SYCP3: variants seen among roughly 807,000 people sequenced by gnomAD.
SYCP3 encodes synaptonemal complex protein 3.
SYCP3 carries 29 observed loss-of-function variants against 38.5 expected under a neutral mutation model. The observed-to-expected ratio is 0.75, with a 90% CI of 0.56 to 1.03. The LOEUF (loss-of-function observed/expected upper bound fraction) is 1.03, where lower values mean the gene tolerates loss of function less well. SYCP3 is among the 50% of genes least tolerant of loss of function. The pLI, the probability that SYCP3 is intolerant of heterozygous loss-of-function variation, is 0.00. For synonymous variants in SYCP3, 79 were observed against 80.3 expected (o/e 0.98, Z 0.08); for missense variants, 242 against 270.7 (o/e 0.89, Z 0.74).
chr12:101,735,866 TA>T (rs1288260043), intron 4 of SYCP3, among the ~76,000 whole-genome samples: 6 of 102,256 alleles, frequency 5.9e-5, no homozygotes, highest in Admixed American at 1.9e-4. Flanking sequence ...TATATATATA[TA>T]TATATTTTTT....
intron 4 of SYCP3, 34 bp from the exon 5 acceptor site, chr12:101,735,078 T>C: frequency 6.9e-7 from 1 of 1,457,324 alleles, no homozygotes; most frequent in South Asian, 1.2e-5. Context: ...TAAAATTTAA[T>C]GTTGAAAAAA....
intron 2 of SYCP3, 112 bp from the exon 3 acceptor site, chr12:101,737,410 T>C: frequency 3.9e-6 from 4 of 1,031,456 alleles, no homozygotes; most frequent in Non-Finnish European, 5.8e-6. Flanking sequence ...TTTGCCAACA[T>C]ACAGTTTCAA....
At chr12:101,734,705 G>A (rs1339312106) in intron 5 of SYCP3, among the ~76,000 whole-genome samples, 1 of 151,992 alleles carries the variant, frequency 6.6e-6, no homozygotes, top group East Asian at 1.9e-4. Flanking sequence ...AAGCGAGCAC[G>A]CCTGGTTAAT....
At chr12:101,730,944 T>G (rs1399515289) in intron 7 of SYCP3, among the ~76,000 whole-genome samples, 1 of 152,218 alleles carries the variant, frequency 6.6e-6, no homozygotes, top group Non-Finnish European at 1.5e-5. Context: ...CCATTGAGCT[T>G]CTATGAATAG....
intron 6 of SYCP3, chr12:101,732,668 C>CTTTTTTTT (rs549684402): frequency 7.3e-6 from 1 of 136,282 alleles, no homozygotes; most frequent in African/African-American, 2.7e-5. Flanking sequence ...TTTCTTTTTT[C>CTTTTTTTT]TTTTTTTTTT....
rs760076291 is a variant in SYCP3, at chr12:101,728,979, T to G, written c.659A>C (p.Gln220Pro). The change falls in exon 9 of 9, where the codon CAG becomes CCG. Residue 220 changes from glutamine (Q) to proline (P), a missense_variant and splice_region_variant. Physicochemically the swap from Gln to Pro is moderately conservative, Grantham distance 76. Coordinates refer to ENST00000392924, the MANE Select transcript of SYCP3 (RefSeq NM_001177949.2). Reference sequence around the variant, plus strand: ...CCGAACACTTGCTATCTCTTGCTGCTGCTGTTTCATGGAAGGAGATATTAA... The same window carrying G: ...CCGAACACTTGCTATCTCTTGCTGCGGCTGTTTCATGGAAGGAGATATTAA... ...MLQKKIMMET[Q>P]QQEIASVRKS... 3.1e-6 allele frequency: 5 copies of G among 1,613,592 alleles called. No homozygotes were observed. The highest frequency in any genetic ancestry group is 4.2e-6 in the Non-Finnish European group (5 of 1,179,714).
At chr12:101,738,946 G>A (rs1318464847) in intron 1 of SYCP3, among the ~76,000 whole-genome samples, 1 of 152,206 alleles carries the variant, frequency 6.6e-6, no homozygotes, top group Non-Finnish European at 1.5e-5. Flanking sequence ...CCAGAAATAA[G>A]CTCATAATAA....
rs10860780 is a variant in SYCP3 at position 101,733,936 on chromosome 12, T to G, written c.354-262A>C. On this transcript the variant is annotated intron_variant, in intron 5 of 8. Coordinates refer to ENST00000392924, the MANE Select transcript of SYCP3 (RefSeq NM_001177949.2). ...GAAGTTTTATTGTATATATAAATTT[T>G]CAAAAAGAAATTCATCTGATCTCTA... 0.26 allele frequency among the ~76,000 whole-genome samples: 38,829 copies of G among 152,108 alleles called. 5,345 individuals carry two copies. Among genetic ancestry groups the G allele is most frequent in the East Asian group, 0.33 (1,725 of 5,182 alleles).
intron 3 of SYCP3, 49 bp from the exon 4 acceptor site, chr12:101,737,120 A>G (rs776677892): frequency 1.9e-6 from 3 of 1,607,624 alleles, no homozygotes; most frequent in South Asian, 2.2e-5. Flanking sequence ...ACAACATACC[A>G]TGCTTGTTTT....
In SYCP3 at chr12:101,728,911, T is replaced by G; in HGVS notation, c.*16A>C. 1 of 1,613,474 alleles carries G rather than the reference T, an allele frequency of 6.2e-7. No individual in the cohort carries two copies. Among genetic ancestry groups the G allele is most frequent in the Non-Finnish European group, 8.5e-7 (1 of 1,179,646 alleles). ...TATCATATTACTTAGGTTCAAGTTC[T>G]TTCTTCAAAGAGTCATCAGAATAAC... On this transcript the variant is annotated 3_prime_UTR_variant, in exon 9 of 9. Transcript: ENST00000392924.
rs774804217 is a variant in SYCP3 at position 101,729,142 on chromosome 12, C to T, written c.624G>A (p.Met208Ile). The T allele has an allele frequency of 1.2e-6, 2 of 1,612,086 alleles. No individual in the cohort carries two copies. The highest frequency in any genetic ancestry group is 2.7e-5 in the African/African-American group (2 of 74,780). ...TGAQNEFKKE[M>I]AMLQKKIMME... ...TCATAATTTTTTTTTGCAACATAGC[C>T]ATTTCTTTTTTAAATTCATTTTGTG... The change falls in exon 8 of 9, where the codon ATG becomes ATA. Residue 208 changes from methionine to isoleucine, a missense_variant. Coordinates refer to ENST00000392924, the MANE Select transcript of SYCP3 (RefSeq NM_001177949.2).
In SYCP3 at chr12:101,735,019, G is replaced by A. The variant is rs1489422278; in HGVS notation, c.261C>T (p.Ala87=). 1 of 1,610,980 alleles carries A rather than the reference G, an allele frequency of 6.2e-7. No individual in the cohort carries two copies. The highest frequency in any genetic ancestry group is 1.1e-5 in the South Asian group (1 of 90,872). ...TATACATTTCTAGTCTCTTTCTCTT[G>A]GCAAGAAGAGCCTTGTTAATGTCAA... ...VGVDINKALL[A]KRKRLEMYTK... is the part of the protein sequence containing the mutation. Residue 87 remains alanine, a synonymous_variant, in exon 5 of 9, where the codon GCC becomes GCT. Coordinates refer to ENST00000392924, the MANE Select transcript of SYCP3 (RefSeq NM_001177949.2).
At position 101,735,869 on chromosome 12, in the gene SYCP3, A is replaced by ATTTTTTTTTTTT. The variant is rs1333301972; in HGVS notation, c.236-826_236-825insAAAAAAAAAAAA. On this transcript the variant is annotated intron_variant, in intron 4 of 8. Transcript: ENST00000392924. ...ATCAATTTTATATATATATATATATATATTTTTTTTTTTTTAAAGACACGG... is the reference window on the plus strand; with the variant it reads ...ATCAATTTTATATATATATATATATATTTTTTTTTTTTTATTTTTTTTTTTTTAAAGACACGG... Among the ~76,000 whole-genome samples the ATTTTTTTTTTTT allele has an allele frequency of 3.8e-4, 23 of 60,108 alleles. 1 individual carries two copies. The South Asian group carries it at 0.011, about 28-fold the overall frequency. The allele number at this position is 60,108 out of a possible 152,430, so 39.4% of individuals were successfully genotyped here. A position where few individuals can be genotyped will look rare whatever the true frequency, so the allele number is the denominator to read the frequency against.
chr12:101,734,083 T>C (rs985322983), intron 5 of SYCP3, among the ~76,000 whole-genome samples: 4 of 152,218 alleles, frequency 2.6e-5, no homozygotes, highest in African/African-American at 9.6e-5. Flanking sequence ...TTAATTTTTT[T>C]CCCTATTTTG....
chr12:101,728,708 T>C lies in SYCP3; in HGVS notation c.*219A>G. 1 of 594,208 alleles carries C rather than the reference T, an allele frequency of 1.7e-6. No individual in the cohort carries two copies. Among genetic ancestry groups the C allele is most frequent in the Admixed American group, 3.3e-5 (1 of 30,128 alleles). 36.8% of individuals were successfully genotyped at this position (594,208 alleles called of 1,614,324 possible). On this transcript the variant is annotated 3_prime_UTR_variant, in exon 9 of 9. Coordinates refer to ENST00000392924, the MANE Select transcript of SYCP3 (RefSeq NM_001177949.2). ...AGAGAGAAAAATTCACTATCATTACTAAAGAGCTGAAAGCTTAATACATAT... is the reference window on the plus strand; with the variant it reads ...AGAGAGAAAAATTCACTATCATTACCAAAGAGCTGAAAGCTTAATACATAT...
At chr12:101,735,685 G>A (rs1952381651) in intron 4 of SYCP3, among the ~76,000 whole-genome samples, 1 of 150,740 alleles carries the variant, frequency 6.6e-6, no homozygotes, top group African/African-American at 2.4e-5. Flanking sequence ...TTTTTAAAAA[G>A]GCTAAATTTA....
At chr12:101,737,622 G>C in intron 2 of SYCP3, 181 bp downstream of exon 2, 3 of 819,928 alleles carry the variant, frequency 3.7e-6, no homozygotes, top group Non-Finnish European at 5.9e-6. Context: ...GCAATATAAG[G>C]ATCAAATGAG....
At chr12:101,735,822 G>T (rs1952390203) in intron 4 of SYCP3, among the ~76,000 whole-genome samples, 1 of 132,360 alleles carries the variant, frequency 7.6e-6, no homozygotes, top group Non-Finnish European at 1.6e-5. Flanking sequence ...AATAGTTAAA[G>T]AAGAAAACTA....
chr12:101,729,124 T>A lies in SYCP3; in HGVS notation c.642A>T (p.Lys214Asn). ...FKKEMAMLQK[K>N]IMMETQQQEI... is the part of the protein sequence containing the mutation. ...GATCACTTACAGTTTCCATCATAAT[T>A]TTTTTTTGCAACATAGCCATTTCTT... Residue 214 changes from lysine (K) to asparagine (N), a missense_variant, in exon 8 of 9, where the codon AAA (lysine) becomes AAT (asparagine). Transcript: ENST00000392924. 6.2e-7 allele frequency: 1 copy of A among 1,610,940 alleles called. No individual in the cohort carries two copies. Among genetic ancestry groups the A allele is most frequent in the Non-Finnish European group, 8.5e-7 (1 of 1,177,842 alleles).
Sources: allele counts gnomAD v4.1 joint callset (sites outside exome capture counted in the v4.1 genomes callset), GRCh38; gene constraint gnomAD v4.1.1; transcripts MANE v1.5; gene names NCBI Gene and HGNC (gene_info 2026-07-23, HGNC 2026-07-21).